CWC22: variants seen among roughly 807,000 people sequenced by gnomAD.
CWC22 encodes the protein pre-mRNA-splicing factor CWC22 homolog.
In CWC22, 53 loss-of-function variants were observed where a neutral mutation model predicts 117.2. The ratio of observed to expected loss-of-function variants is 0.45; its 90% CI spans 0.36 to 0.57. The LOEUF (loss-of-function observed/expected upper bound fraction) is 0.57. Among genes scored for constraint, CWC22 ranks in the 20% least tolerant of loss-of-function variants. The probability of loss-of-function intolerance (pLI) is 0.00; values close to 1 mark genes in which losing one functional copy is unlikely to be tolerated. For synonymous variants in CWC22, 360 were observed against 355.6 expected (o/e 1.01, Z -0.14); for missense variants, 980 against 1,068.8 (o/e 0.92, Z 1.16).
chr2:180,003,695 G>A (rs1687900443), intron 1 of CWC22, among the ~76,000 whole-genome samples: 1 of 152,142 alleles, frequency 6.6e-6, no homozygotes, highest in African/African-American at 2.4e-5. Flanking sequence ...AACTTTTCAG[G>A]TGGAAGTGCT....
At chr2:179,994,941 C>A (rs1216977259) in intron 1 of CWC22, among the ~76,000 whole-genome samples, 1 of 152,092 alleles carries the variant, frequency 6.6e-6, no homozygotes, top group East Asian at 1.9e-4. Flanking sequence ...ACAGTGAAAC[C>A]CCGTCTCTAC....
At position 179,985,286 on chromosome 2, in the gene CWC22, T is replaced by C. The variant is rs114823240; in HGVS notation, c.206+1409A>G. 9.7e-3 allele frequency among the ~76,000 whole-genome samples: 1,471 copies of C among 152,172 alleles called. 27 individuals carry two copies. The highest frequency in any genetic ancestry group is 0.034 in the African/African-American group (1,398 of 41,560). ...TCACTACTCCTCTCCTAAGCAAAGA[T>C]ACATGCAAGTTAAGGAAATACTACC... is the stretch of plus-strand genomic sequence containing the variant. On this transcript the variant is annotated intron_variant, in intron 4 of 19. Coordinates refer to ENST00000410053, the MANE Select transcript of CWC22 (RefSeq NM_020943.3).
rs1237562754 is a variant in CWC22, at chr2:179,954,216, G to A, written c.1678C>T (p.Leu560Phe). ...ACCCATGTACTTACACTCCATGGAA[G>A]TGAATCAGTGTATAAAAGGTGAGCA... ...MFAHLLYTDS[L>F]PWSVLECIKL... Residue 560 changes from leucine to phenylalanine, a missense_variant, in exon 16 of 20, where the codon CTT (leucine) becomes TTT (phenylalanine). Around this residue, in one of 3 missense-constraint regions of CWC22, gnomAD observed 115 missense variants for 169.8 expected, o/e 0.68. Coordinates refer to ENST00000410053, the MANE Select transcript of CWC22 (RefSeq NM_020943.3). 6 of 1,610,002 alleles carry A rather than the reference G, an allele frequency of 3.7e-6. No individual in the cohort carries two copies. In the Admixed American group the frequency reaches 1.0e-4, roughly 27 times the overall value.
Position 179,945,347 on chromosome 2 carries a change from TATGC to T in CWC22, c.2505_2508del (p.His838GlufsTer19), listed in dbSNP as rs1686264090. Reference sequence around the variant, plus strand: ...TTTTCACTGTCTTTAATTCGGTGTGTATGCTTCTCATTTTCAGAAAAAGAATTTC... The same window carrying T: ...TTTTCACTGTCTTTAATTCGGTGTGTTTCTCATTTTCAGAAAAAGAATTTC... On this transcript the variant is annotated frameshift_variant, in exon 20 of 20. Transcript: ENST00000410053. LOFTEE classifies it high-confidence loss of function. The T allele has an allele frequency of 1.2e-6, 2 of 1,612,864 alleles. No individual in the cohort carries two copies. The highest frequency in any genetic ancestry group is 2.7e-5 in the African/African-American group (2 of 74,786).
At chr2:179,975,389 G>A (rs563776004) in intron 6 of CWC22, among the ~76,000 whole-genome samples, 60 of 152,188 alleles carry the variant, frequency 3.9e-4, no homozygotes, top group Non-Finnish European at 7.8e-4. Context: ...TAAGAAAAGG[G>A]TGCCTACTCT....
At chr2:179,955,547 GA>G (rs1686567090) in intron 14 of CWC22, among the ~76,000 whole-genome samples, 2 of 151,856 alleles carry the variant, frequency 1.3e-5, no homozygotes, top group African/African-American at 2.4e-5. Flanking sequence ...AGTTAACGTT[GA>G]TAAAGAAACA....
In CWC22 at chr2:179,959,019, T is replaced by G; in HGVS notation, c.1458+3A>C. ...TTTCCTAATAGAAAAAGTATTAACA[T>G]ACTGTTTGGCTTTCAGGAAACTCCA... On this transcript the variant is annotated splice_donor_region_variant and intron_variant, in intron 14 of 19. Coordinates refer to ENST00000410053, the MANE Select transcript of CWC22 (RefSeq NM_020943.3). 6.5e-7 allele frequency: 1 copy of G among 1,533,200 alleles called. No individual in the cohort carries two copies. Among genetic ancestry groups the G allele is most frequent in the Non-Finnish European group, 8.9e-7 (1 of 1,124,770 alleles). The allele number at this position is 1,533,200 out of a possible 1,614,324, so 95.0% of individuals were successfully genotyped here.
At chr2:179,962,766 G>A (rs1361988396) in intron 13 of CWC22, among the ~76,000 whole-genome samples, 1 of 151,996 alleles carries the variant, frequency 6.6e-6, no homozygotes, top group Non-Finnish European at 1.5e-5. Flanking sequence ...ACATTACGTA[G>A]CAGGGTGGCT....
chr2:179,950,166 A>G (rs762991218), intron 19 of CWC22, among the ~76,000 whole-genome samples: 5 of 152,232 alleles, frequency 3.3e-5, no homozygotes, highest in Non-Finnish European at 5.9e-5. Context: ...TTTAATATTA[A>G]AAGTAAAAAA....
At chr2:180,001,461 TG>T (rs895059927) in intron 1 of CWC22, among the ~76,000 whole-genome samples, 3 of 152,086 alleles carry the variant, frequency 2.0e-5, no homozygotes, top group Admixed American at 1.3e-4. Context: ...CCTGAATAGC[TG>T]GGATTACAGG....
chr2:179,986,210 A>G (rs1575654341), intron 4 of CWC22, among the ~76,000 whole-genome samples: 1 of 152,150 alleles, frequency 6.6e-6, no homozygotes, highest in South Asian at 2.1e-4. Context: ...AAGCTCAAGT[A>G]AGAATCCTTC....
intron 13 of CWC22, among the ~76,000 whole-genome samples, chr2:179,959,437 G>C (rs1686690443): frequency 6.6e-6 from 1 of 152,126 alleles, no homozygotes. Context: ...TAGAGTAATA[G>C]AAATGTTCCG....
intron 11 of CWC22, among the ~76,000 whole-genome samples, chr2:179,969,622 G>A (rs1290801066): frequency 6.6e-6 from 1 of 152,118 alleles, no homozygotes; most frequent in Admixed American, 6.5e-5. Context: ...CCTGATAAAA[G>A]ATTTTGCAAA....
In CWC22 at chr2:179,978,179, C is replaced by A; in HGVS notation, c.581+11G>T. The A allele has an allele frequency of 1.3e-6, 2 of 1,509,724 alleles. No individual in the cohort carries two copies. The highest frequency in any genetic ancestry group is 1.4e-5 in the South Asian group (1 of 71,534). The allele number at this position is 1,509,724 out of a possible 1,614,324, so 93.5% of individuals were successfully genotyped here. A position where few individuals can be genotyped will look rare whatever the true frequency, so the allele number is the denominator to read the frequency against. On this transcript the variant is annotated intron_variant, in intron 6 of 19. Coordinates refer to ENST00000410053, the MANE Select transcript of CWC22 (RefSeq NM_020943.3). ...CTTAGAAATACTACAAATAAAATAG[C>A]CAATACTTACCTTCCTCTAACTATA...
intron 13 of CWC22, among the ~76,000 whole-genome samples, chr2:179,963,046 T>C (rs1164468213): frequency 1.3e-5 from 2 of 152,162 alleles, no homozygotes; most frequent in Non-Finnish European, 2.9e-5. Context: ...CACCACTATG[T>C]AGTAGTGGCT....
At chr2:179,971,534 A>G (rs748697310) in intron 8 of CWC22, among the ~76,000 whole-genome samples, 2 of 152,194 alleles carry the variant, frequency 1.3e-5, no homozygotes, top group African/African-American at 2.4e-5. Flanking sequence ...CAGCAACTCT[A>G]TTAGACACAA....
chr2:179,961,882 T>A (rs898538069), intron 13 of CWC22, among the ~76,000 whole-genome samples: 1 of 152,104 alleles, frequency 6.6e-6, no homozygotes, highest in Non-Finnish European at 1.5e-5. Flanking sequence ...GAGTTTCAGG[T>A]TTAACACAAA....
At chr2:179,982,887 G>A (rs1687321556) in intron 4 of CWC22, among the ~76,000 whole-genome samples, 1 of 152,062 alleles carries the variant, frequency 6.6e-6, no homozygotes, top group Non-Finnish European at 1.5e-5. Flanking sequence ...CATTCTGTTT[G>A]TGTTTTGGGT....
intron 16 of CWC22, among the ~76,000 whole-genome samples, chr2:179,953,988 T>C (rs1484699032): frequency 2.6e-5 from 4 of 152,138 alleles, no homozygotes; most frequent in Non-Finnish European, 5.9e-5. Flanking sequence ...ACTGGCATGT[T>C]TGGACTGTTA....
Sources: allele counts gnomAD v4.1 joint callset (sites outside exome capture counted in the v4.1 genomes callset), GRCh38; gene constraint gnomAD v4.1.1; regional missense constraint gnomAD v4.1.1; transcripts MANE v1.5; gene names NCBI Gene and HGNC (gene_info 2026-07-23, HGNC 2026-07-21).